Variants in NREP observed in about 807,000 individuals in gnomAD.
The protein encoded by NREP is neuronal regeneration related protein, also known as neuronal regeneration-related protein.
In NREP, 5 loss-of-function variants were observed where a neutral mutation model predicts 8.6. The observed-to-expected ratio is 0.58, with a 90% confidence interval of 0.30 to 1.22. NREP has a LOEUF of 1.22. Among genes scored for constraint, NREP ranks in the 50% most tolerant of loss-of-function variants. The probability of loss-of-function intolerance (pLI) is 0.07; values close to 1 mark genes in which losing one functional copy is unlikely to be tolerated. For synonymous variants in NREP, 27 were observed against 28.0 expected (o/e 0.96, Z 0.11); for missense variants, 86 against 82.5 (o/e 1.04, Z -0.17).
intron 2 of NREP, among the ~76,000 whole-genome samples, chr5:111,778,580 G>C (rs536120326): frequency 2.6e-5 from 4 of 152,214 alleles, no homozygotes; most frequent in African/African-American, 9.6e-5. Flanking sequence ...TTGTGATGTA[G>C]GCTTTTCCCA....
intron 2 of NREP, 103 bp downstream of exon 2, chr5:111,755,667 T>C (rs930634180): frequency 2.3e-6 from 3 of 1,292,176 alleles, no homozygotes; most frequent in South Asian, 1.2e-5. Context: ...AGATGGGGTG[T>C]AGAACAATGA....
At chr5:111,860,224 G>A (rs1394800480) in intron 2 of NREP, among the ~76,000 whole-genome samples, 1 of 152,116 alleles carries the variant, frequency 6.6e-6, no homozygotes, top group African/African-American at 2.4e-5. Context: ...TGAGTTCTCT[G>A]TCTCCACAAA....
At chr5:111,818,237 A>G (rs138296462) in intron 2 of NREP, among the ~76,000 whole-genome samples, 7 of 152,314 alleles carry the variant, frequency 4.6e-5, no homozygotes, top group African/African-American at 1.7e-4. Context: ...ATTCAATCTA[A>G]TAGTTTGATC....
intron 2 of NREP, among the ~76,000 whole-genome samples, chr5:111,768,196 T>C (rs1410625292): frequency 6.6e-6 from 1 of 151,938 alleles, no homozygotes; most frequent in Non-Finnish European, 1.5e-5. Flanking sequence ...GTAGAATTGG[T>C]GGGAGAGTAG....
chr5:111,849,860 G>T (rs540781824), intron 2 of NREP, among the ~76,000 whole-genome samples: 1 of 151,878 alleles, frequency 6.6e-6, no homozygotes, highest in Non-Finnish European at 1.5e-5. Flanking sequence ...CTTCCTTCCC[G>T]CAGTCTTGAA....
chr5:111,754,095 T>C (rs1363400244), intron 2 of NREP, among the ~76,000 whole-genome samples: 1 of 152,172 alleles, frequency 6.6e-6, no homozygotes, highest in Non-Finnish European at 1.5e-5. Context: ...GTTGTGAGAA[T>C]TTTTTCATGA....
chr5:111,915,483 G>A (rs927110299), intron 2 of NREP, among the ~76,000 whole-genome samples: 2 of 151,916 alleles, frequency 1.3e-5, no homozygotes, highest in Non-Finnish European at 2.9e-5. Flanking sequence ...CAGAGAAACA[G>A]CACAGCATAC....
At chr5:111,891,762 T>C (rs1198311862) in intron 2 of NREP, among the ~76,000 whole-genome samples, 1 of 152,082 alleles carries the variant, frequency 6.6e-6, no homozygotes, top group Non-Finnish European at 1.5e-5. Flanking sequence ...GGTGCCACAT[T>C]CTTTTAAACA....
intron 2 of NREP, among the ~76,000 whole-genome samples, chr5:111,790,465 A>G (rs985168345): frequency 9.2e-5 from 13 of 141,206 alleles, no homozygotes; most frequent in African/African-American, 2.9e-4. Flanking sequence ...GTATTTGTTC[A>G]GGAATGTTTA....
upstream of NREP, chr5:111,758,189 G>T: frequency 1.0e-6 from 1 of 985,568 alleles, no homozygotes; most frequent in South Asian, 4.7e-5. Flanking sequence ...GCCCCTGAAG[G>T]CCGGGCCCAG....
chr5:111,967,233 T>C (rs550529377), intron 2 of NREP, among the ~76,000 whole-genome samples: 4 of 152,348 alleles, frequency 2.6e-5, no homozygotes, highest in East Asian at 1.9e-4. Context: ...GAGCCCGTCA[T>C]GCACCATTAA....
rs577857711 is a variant in NREP at position 111,867,606 on chromosome 5, A to G, written c.135+107668T>C. On this transcript the variant is annotated intron_variant, in intron 2 of 3. Coordinates refer to the NREP transcript ENST00000395634. Reference sequence around the variant, plus strand: ...GAGCACAATTCAGTTCATAGCACCTATAAATATAGAGCAAGAAATGTTTAA... The same window carrying G: ...GAGCACAATTCAGTTCATAGCACCTGTAAATATAGAGCAAGAAATGTTTAA... Among the ~76,000 whole-genome samples the G allele has an allele frequency of 7.9e-5, 12 of 152,306 alleles. No individual in the cohort carries two copies. The East Asian group carries it at 1.4e-3, about 17-fold the overall frequency.
chr5:111,819,895 T>C (rs1752477484), intron 2 of NREP, among the ~76,000 whole-genome samples: 1 of 152,120 alleles, frequency 6.6e-6, no homozygotes, highest in African/African-American at 2.4e-5. Flanking sequence ...AAACTGGAGA[T>C]TTTAAGAGAG....
At chr5:111,734,369 C>T (rs187777451) in intron 3 of NREP, 22 of 174,768 alleles carry the variant, frequency 1.3e-4, no homozygotes, top group Non-Finnish European at 2.0e-4. Flanking sequence ...TTAAGGAAAG[C>T]GCTACTATTT....
intron 2 of NREP, among the ~76,000 whole-genome samples, chr5:111,865,205 G>A (rs992636048): frequency 6.6e-6 from 1 of 152,054 alleles, no homozygotes; most frequent in African/African-American, 2.4e-5. Flanking sequence ...AGAGGTGGAT[G>A]CAATGTGGAC....
chr5:111,743,956 A>G (rs1749839437), intron 2 of NREP, among the ~76,000 whole-genome samples: 2 of 152,086 alleles, frequency 1.3e-5, no homozygotes, highest in South Asian at 4.1e-4. Flanking sequence ...CAAAAATACG[A>G]TTTCTTTTGT....
intron 2 of NREP, among the ~76,000 whole-genome samples, chr5:111,852,738 A>C (rs1232612475): frequency 6.6e-6 from 1 of 152,098 alleles, no homozygotes; most frequent in East Asian, 1.9e-4. Context: ...TCTGTGACTC[A>C]ATACAGTGTC....
At chr5:111,744,108 G>A (rs1749851247) in intron 2 of NREP, among the ~76,000 whole-genome samples, 2 of 152,220 alleles carry the variant, frequency 1.3e-5, no homozygotes, top group African/African-American at 2.4e-5. Context: ...GTTGACATGT[G>A]CAAGACAGAG....
chr5:111,962,137 T>A (rs1272497724), intron 2 of NREP, among the ~76,000 whole-genome samples: 1 of 152,162 alleles, frequency 6.6e-6, no homozygotes. Context: ...TCAGTTCCAG[T>A]ACCATGGCTC....
Sources: allele counts gnomAD v4.1 joint callset (sites outside exome capture counted in the v4.1 genomes callset), GRCh38; gene constraint gnomAD v4.1.1; transcripts MANE v1.5; gene names NCBI Gene and HGNC (gene_info 2026-07-23, HGNC 2026-07-21).